SLC13A3: variants seen among roughly 807,000 people sequenced by gnomAD.
SLC13A3 encodes the protein solute carrier family 13 member 3.
Under a neutral mutation model 59.0 loss-of-function variants are expected in SLC13A3, and 40 were observed. The ratio of observed to expected loss-of-function variants is 0.68; its 90% CI spans 0.53 to 0.88. SLC13A3 has a LOEUF of 0.88. Ranked by LOEUF, SLC13A3 falls within the 40% of genes least tolerant of loss-of-function variation. The probability of loss-of-function intolerance (pLI) is 0.00; values close to 1 mark genes in which losing one functional copy is unlikely to be tolerated. For missense variants in SLC13A3, 699 were observed against 783.2 expected (o/e 0.89, Z 1.28); for synonymous variants, 317 against 330.3 (o/e 0.96, Z 0.44).
chr20:46,582,879 G>T (rs140456394), intron 9 of SLC13A3: 2 of 985,286 alleles, frequency 2.0e-6, no homozygotes, highest in Admixed American at 6.1e-5. Flanking sequence ...GGAGGGAGTC[G>T]CAAGCTGGCA....
chr20:46,662,366 A>G (rs1206957666), intron 1 of SLC13A3, among the ~76,000 whole-genome samples: 1 of 152,232 alleles, frequency 6.6e-6, no homozygotes, highest in African/African-American at 2.4e-5. Flanking sequence ...TGTTTCTAAT[A>G]ATGCCATCAG....
intron 1 of SLC13A3, among the ~76,000 whole-genome samples, chr20:46,665,159 G>C (rs1207063759): frequency 6.6e-6 from 1 of 152,008 alleles, no homozygotes; most frequent in Non-Finnish European, 1.5e-5. Flanking sequence ...CCAGCTACTT[G>C]GTAGGCTAAG....
intron 1 of SLC13A3, chr20:46,684,226 C>T (rs1287842007): frequency 2.6e-5 from 4 of 152,338 alleles, no homozygotes; most frequent in African/African-American, 7.2e-5. Flanking sequence ...TCACTCATCA[C>T]TGTCTGAAAC....
At chr20:46,612,630 T>G (rs1049045423) in intron 2 of SLC13A3, among the ~76,000 whole-genome samples, 2 of 152,076 alleles carry the variant, frequency 1.3e-5, no homozygotes, top group Non-Finnish European at 2.9e-5. Flanking sequence ...ATTAGATAAT[T>G]GCATTTTGCT....
intron 3 of SLC13A3, chr20:46,600,724 T>C (rs567511878): frequency 8.1e-5 from 24 of 295,286 alleles, no homozygotes; most frequent in South Asian, 7.1e-4. Flanking sequence ...TGCTATTGAC[T>C]ATGTTCTCAG....
intron 11 of SLC13A3, 121 bp from the exon 12 acceptor site, chr20:46,563,672 G>A (rs1383546300): frequency 8.4e-6 from 9 of 1,074,158 alleles, no homozygotes; most frequent in Non-Finnish European, 1.2e-5. Context: ...GAGACAGAGA[G>A]ACAAAGACAT....
upstream of SLC13A3, among the ~76,000 whole-genome samples, chr20:46,652,645 C>T (rs994844961): frequency 6.6e-6 from 1 of 151,086 alleles, no homozygotes; most frequent in African/African-American, 2.4e-5. Context: ...CCGCCCATCT[C>T]GGGCCTCCCA....
At chr20:46,577,075 A>AAGCCCACAGGTGTATGC (rs11268117) in intron 9 of SLC13A3, among the ~76,000 whole-genome samples, 9,361 of 32,164 alleles carry the variant, frequency 0.29, 565 homozygotes, top group East Asian at 0.34. Flanking sequence ...CAGACGTATG[A>AAGCCCACAGGTGTATGC]AGCCCACAGA....
At chr20:46,651,590 AAG>A, upstream of SLC13A3, 1 of 1,274,860 alleles carries the variant, frequency 7.8e-7, no homozygotes. Context: ...GACCGGGTGA[AAG>A]AGGCCCGGGA....
intron 3 of SLC13A3, among the ~76,000 whole-genome samples, chr20:46,609,236 A>G (rs774233733): frequency 3.3e-5 from 5 of 152,236 alleles, no homozygotes; most frequent in Non-Finnish European, 5.9e-5. Context: ...AGAGTTGCCA[A>G]TGAAAAATCA....
intron 1 of SLC13A3, among the ~76,000 whole-genome samples, chr20:46,647,662 T>C (rs1443071375): frequency 6.6e-6 from 1 of 152,154 alleles, no homozygotes; most frequent in Non-Finnish European, 1.5e-5. Context: ...GAGGACATAA[T>C]GTAAGAATTG....
chr20:46,576,608 T>C (rs577549573), intron 9 of SLC13A3, among the ~76,000 whole-genome samples: 2 of 152,290 alleles, frequency 1.3e-5, no homozygotes, highest in East Asian at 1.9e-4. Context: ...TGACACCTGA[T>C]GGTAACTCCG....
chr20:46,659,814 G>A (rs6066043), intron 1 of SLC13A3, among the ~76,000 whole-genome samples: 19,392 of 149,636 alleles, frequency 0.13, 1,995 homozygotes, highest in East Asian at 0.54. Flanking sequence ...CTCTTCCTTT[G>A]TACTTTTATT....
intron 10 of SLC13A3, among the ~76,000 whole-genome samples, chr20:46,574,817 T>A (rs1296766939): frequency 6.9e-6 from 1 of 145,100 alleles, no homozygotes; most frequent in East Asian, 2.1e-4. Context: ...AGTTAACGTG[T>A]AAAGCATGTT....
chr20:46,635,601 T>C (rs1445725445), intron 1 of SLC13A3, among the ~76,000 whole-genome samples: 1 of 152,158 alleles, frequency 6.6e-6, no homozygotes, highest in African/African-American at 2.4e-5. Flanking sequence ...TTGTTCTCCA[T>C]AGCAGTTATC....
intron 3 of SLC13A3, among the ~76,000 whole-genome samples, chr20:46,602,823 A>G (rs144257703): frequency 0.012 from 1,774 of 152,262 alleles, 117 homozygotes; most frequent in Admixed American, 0.1. Context: ...TAATCTCCCT[A>G]TACCTCAGTT....
intron 1 of SLC13A3, 183 bp from the exon 2 acceptor site, chr20:46,613,908 C>T (rs528225171): frequency 2.5e-4 from 133 of 535,854 alleles, no homozygotes; most frequent in African/African-American, 2.1e-3. Flanking sequence ...GTGCCTAAGG[C>T]GTTGACTTAA....
intron 6 of SLC13A3, 70 bp downstream of exon 6, chr20:46,592,334 G>A: frequency 6.4e-7 from 1 of 1,556,360 alleles, no homozygotes; most frequent in Non-Finnish European, 8.8e-7. Context: ...GTTTTCATAG[G>A]CAGATACTGA....
intron 1 of SLC13A3, among the ~76,000 whole-genome samples, chr20:46,622,623 T>C (rs13040704): frequency 0.23 from 717 of 3,162 alleles, 1 homozygote; most frequent in African/African-American, 0.28. Flanking sequence ...GGTGTGTGCG[T>C]GTGTGTGTGT....
Sources: gnomAD v4.1 joint callset for allele counts (sites outside exome capture counted in the v4.1 genomes callset) on GRCh38, gnomAD v4.1.1 for gene constraint, MANE v1.5 for transcripts, NCBI Gene and HGNC (gene_info 2026-07-23, HGNC 2026-07-21) for gene names.